Variants in FASN observed in about 807,000 individuals in gnomAD.
The protein encoded by FASN is 3-hydroxyacyl-[acyl-carrier-protein] dehydratase.
FASN carries 50 observed loss-of-function variants against 250.0 expected under a neutral mutation model. The observed-to-expected ratio is 0.20, with a 90% CI of 0.16 to 0.25. The LOEUF is 0.25. Ranked by LOEUF, FASN falls within the 10% of genes least tolerant of loss-of-function variation. The pLI is 1.00. For synonymous variants in FASN, 1,909 were observed against 1,584.0 expected (o/e 1.21, Z -4.87); for missense variants, 3,031 against 3,498.5 (o/e 0.87, Z 3.37).
chr17:82,087,300 T>TGGGCTG lies in FASN; in HGVS notation c.3223+19_3223+24dup, dbSNP rs772539228. 3.3e-3 allele frequency: 5,284 copies of TGGGCTG among 1,594,300 alleles called. 49 individuals carry two copies. Among genetic ancestry groups the TGGGCTG allele is most frequent in the Non-Finnish European group, 2.3e-3 (2,693 of 1,169,994 alleles). On this transcript the variant is annotated intron_variant, in intron 20 of 42. Transcript: ENST00000306749. ...GTGCGGCATACTTGGGTGGGGGCAC[T>TGGGCTG]GGGCTGGGGCTGGGGCGGGGCTACC...
chr17:82,081,017 C>T, intron 38 of FASN, 95 bp from the exon 39 acceptor site: 2 of 1,405,372 alleles, frequency 1.4e-6, no homozygotes, highest in South Asian at 1.2e-5. Flanking sequence ...CCCCACGGTG[C>T]TACGTCAGGT....
intron 3 of FASN, among the ~76,000 whole-genome samples, chr17:82,094,885 G>A (rs1020627222): frequency 3.1e-4 from 47 of 150,002 alleles, no homozygotes; most frequent in African/African-American, 1.1e-3. Flanking sequence ...TGGCGGGAGA[G>A]GGTTGAAATG....
rs2229421 is a variant in FASN at position 82,083,232 on chromosome 17, T to C, written c.5535A>G (p.Gln1845=). The change falls in exon 32 of 43, where the codon CAA becomes CAG. Residue 1845 remains glutamine, a synonymous_variant. Coordinates refer to ENST00000306749, the MANE Select transcript of FASN (RefSeq NM_004104.5). ...QVEDAFRYMA[Q]GKHIGKVVVQ... is the part of the protein sequence containing the mutation. Reference sequence around the variant, plus strand: ...CGACGACTTTGCCAATGTGCTTCCCTTGGGCCATGTAGCGGAAGGCGTCCT... The same window carrying C: ...CGACGACTTTGCCAATGTGCTTCCCCTGGGCCATGTAGCGGAAGGCGTCCT... 1.1e-3 allele frequency: 1,699 copies of C among 1,612,740 alleles called. 13 individuals are homozygous for C. In the African/African-American group the frequency reaches 0.021, roughly 20 times the overall value.
rs758003527 is a variant in FASN at position 82,093,060 on chromosome 17, G to A, written c.656-41C>T. Reference sequence around the variant, plus strand: ...CCTCAGGCCCGGGGCTCAGCCCCACGCCGGCCCCCACCCCACCAGGAGGAG... The same window carrying A: ...CCTCAGGCCCGGGGCTCAGCCCCACACCGGCCCCCACCCCACCAGGAGGAG... On this transcript the variant is annotated intron_variant, in intron 5 of 42. Transcript: ENST00000306749. 15 of 1,607,832 alleles carry A rather than the reference G, an allele frequency of 9.3e-6. No homozygotes were observed. The African/African-American group carries it at 1.1e-4, about 11-fold the overall frequency.
At chr17:82,083,692 C>G in intron 30 of FASN, 53 bp from the exon 31 acceptor site, 1 of 1,604,938 alleles carries the variant, frequency 6.2e-7, no homozygotes, top group Non-Finnish European at 8.5e-7. Context: ...CCAGCCACCA[C>G]AGTCCAGAGG....
chr17:82,098,196 G>C lies in FASN; in HGVS notation c.-83C>G. The C allele has an allele frequency of 2.7e-6, 1 of 365,938 alleles. No homozygotes were observed. The highest frequency in any genetic ancestry group is 4.9e-6 in the Non-Finnish European group (1 of 204,910). The allele number at this position is 365,938 out of a possible 1,614,324, so 22.7% of individuals were successfully genotyped here. On this transcript the variant is annotated 5_prime_UTR_variant, in exon 1 of 43. Coordinates refer to ENST00000306749, the MANE Select transcript of FASN (RefSeq NM_004104.5). ...GCGGCGGAGCGGGAGGCTGAAGCGC[G>C]GCGGAGAGGGAGGCCGGGGCCGCTG...
intron 27 of FASN, 39 bp downstream of exon 27, chr17:82,084,474 C>G (rs758967966): frequency 4.4e-6 from 7 of 1,589,202 alleles, no homozygotes; most frequent in Non-Finnish European, 6.0e-6. Flanking sequence ...TCTCTGCTCC[C>G]CGGCCCAGTC....
chr17:82,092,128 C>G (rs991566524), intron 8 of FASN, among the ~76,000 whole-genome samples: 1 of 152,104 alleles, frequency 6.6e-6, no homozygotes, highest in African/African-American at 2.4e-5. Flanking sequence ...ACACGGGAGA[C>G]CCTGATGGTG....
chr17:82,081,403 C>T (rs775871906), intron 37 of FASN, 51 bp from the exon 38 acceptor site: 3 of 1,560,802 alleles, frequency 1.9e-6, no homozygotes, highest in Non-Finnish European at 1.7e-6. Context: ...TGGGGACGGC[C>T]TGTATGCGGC....
At chr17:82,086,597 C>T in intron 21 of FASN, 39 bp from the exon 22 acceptor site, 1 of 1,505,060 alleles carries the variant, frequency 6.6e-7, no homozygotes, top group Non-Finnish European at 9.2e-7. Context: ...TTCCCAAAGC[C>T]CCAGGGCATC....
At position 82,080,851 on chromosome 17, in the gene FASN, G is replaced by T. The variant is rs1379623027; in HGVS notation, c.6667C>A (p.Leu2223Met). 1 of 1,611,444 alleles carries T rather than the reference G, an allele frequency of 6.2e-7. No homozygotes were observed. Residue 2223 changes from leucine (L) to methionine (M), a missense_variant, in exon 39 of 43, where the codon CTG becomes ATG. Physicochemically the swap from Leu to Met is conservative, Grantham distance 15 (BLOSUM62 2). Coordinates refer to ENST00000306749, the MANE Select transcript of FASN (RefSeq NM_004104.5). Reference sequence around the variant, plus strand: ...AGGGTGGGGCCCTCCGGGTTCACCAGCAGGGAGCGCAGGTTCAGCTGAGTC... The same window carrying T: ...AGGGTGGGGCCCTCCGGGTTCACCATCAGGGAGCGCAGGTTCAGCTGAGTC... Reference protein sequence around the residue: ...QQTQLNLRSLLVNPEGPTLMR... With the variant: ...QQTQLNLRSLMVNPEGPTLMR...
At position 82,081,742 on chromosome 17, in the gene FASN, C is replaced by T. The variant is rs963171358; in HGVS notation, c.6265G>A (p.Ala2089Thr). ...IVSGTLPQRM[A>T]SCLEVLDLFL... is the part of the protein sequence containing the mutation. Reference sequence around the variant, plus strand: ...AGGTCCAGCACCTCCAGGCAGGACGCCATGCGCTGGGGCAGCGTGCCACTG... The same window carrying T: ...AGGTCCAGCACCTCCAGGCAGGACGTCATGCGCTGGGGCAGCGTGCCACTG... The change falls in exon 37 of 43, where the codon GCG (alanine) becomes ACG (threonine). Residue 2089 changes from alanine (A) to threonine (T), a missense_variant. By Grantham distance (58) the Ala-to-Thr change is moderately conservative (BLOSUM62 0). Coordinates refer to ENST00000306749, the MANE Select transcript of FASN (RefSeq NM_004104.5). The T allele has an allele frequency of 1.2e-6, 2 of 1,612,632 alleles. No homozygotes were observed. Among genetic ancestry groups the T allele is most frequent in the African/African-American group, 2.7e-5 (2 of 74,890 alleles).
rs889475584 is a variant in FASN, at chr17:82,079,753, C to T, written c.7147-145G>A. 1.2e-4 allele frequency: 136 copies of T among 1,161,768 alleles called. 1 individual carries two copies. The Middle Eastern group carries it at 1.2e-3, about 10-fold the overall frequency. 72.0% of individuals were successfully genotyped at this position (1,161,768 alleles called of 1,614,324 possible). A position where few individuals can be genotyped will look rare whatever the true frequency, so the allele number is the denominator to read the frequency against. On this transcript the variant is annotated intron_variant, in intron 41 of 42. Transcript: ENST00000306749. ...ATGGAGTGGGGCGATCTCAGCTCAC[C>T]GCAACCTCCACCTACCCGGTTCAAG... is the stretch of plus-strand genomic sequence containing the variant.
chr17:82,087,494 C>A lies in FASN; in HGVS notation c.3054G>T (p.Gly1018=). 1.2e-6 allele frequency: 2 copies of A among 1,612,308 alleles called. No individual in the cohort carries two copies. Among genetic ancestry groups the A allele is most frequent in the Non-Finnish European group, 1.7e-6 (2 of 1,179,978 alleles). Reference sequence around the variant, plus strand: ...CCCAGTTATCCTTCCACAGCAGCCTCCCCGAGTCACCTGCACACAGGGCCT... The same window carrying A: ...CCCAGTTATCCTTCCACAGCAGCCTACCCGAGTCACCTGCACACAGGGCCT... The part of the protein sequence containing the change: ...ILEASLEGDS[G]RLLWKDNWVS... The change falls in exon 20 of 43, where the codon GGG becomes GGT. Residue 1018 remains glycine, a synonymous_variant. Transcript: ENST00000306749.
At position 82,087,820 on chromosome 17, in the gene FASN, C is replaced by T. The variant is rs750691718; in HGVS notation, c.2908G>A (p.Asp970Asn). 5 of 1,612,578 alleles carry T rather than the reference C, an allele frequency of 3.1e-6. No homozygotes were observed. The highest frequency in any genetic ancestry group is 2.2e-5 in the South Asian group (2 of 91,076). ...TTGGGGGTGGGGCTTTCCGGGTGGT[C>T]GAAGAGCCTGGGGTCAGGGTCATCC... ...QWDDPDPRLF[D>N]HPESPTPNPT... Residue 970 changes from aspartate to asparagine, a missense_variant, in exon 19 of 43, where the codon GAC becomes AAC. Transcript: ENST00000306749.
At position 82,080,608 on chromosome 17, in the gene FASN, G is replaced by C. The variant is rs1316086586; in HGVS notation, c.6827-18C>G. Reference sequence around the variant, plus strand: ...GGGCGCAGCTGCAATGGCAGTGCCGGGCACTCAGCATGTGCAGGCGGCAGC... The same window carrying C: ...GGGCGCAGCTGCAATGGCAGTGCCGCGCACTCAGCATGTGCAGGCGGCAGC... On this transcript the variant is annotated intron_variant, in intron 39 of 42. Transcript: ENST00000306749. 1 of 1,552,392 alleles carries C rather than the reference G, an allele frequency of 6.4e-7. No individual in the cohort carries two copies. The highest frequency in any genetic ancestry group is 8.7e-7 in the Non-Finnish European group (1 of 1,148,558).
Position 82,080,278 on chromosome 17 carries a change from G to A in FASN, c.7048-40C>T, listed in dbSNP as rs752241314. On this transcript the variant is annotated intron_variant, in intron 40 of 42. Coordinates refer to ENST00000306749, the MANE Select transcript of FASN (RefSeq NM_004104.5). ...GGACTGCTGAGCAGATGGAAGGGGC[G>A]GGGCCTCCTAAGCGACGGTCCCCCA... The A allele has an allele frequency of 2.3e-5, 37 of 1,611,354 alleles. No homozygotes were observed. In the East Asian group the frequency reaches 3.6e-4, roughly 16 times the overall value.
At chr17:82,084,750 C>T in intron 26 of FASN, 34 bp from the exon 27 acceptor site, 30 of 1,550,094 alleles carry the variant, frequency 1.9e-5, no homozygotes, top group Non-Finnish European at 2.6e-5. Context: ...TGCTGCGGGG[C>T]CTTCGGGTGC....
chr17:82,087,271 G>A lies in FASN; in HGVS notation c.3224-18C>T, dbSNP rs17848935. 0.19 allele frequency: 299,555 copies of A among 1,604,188 alleles called. 30,343 individuals are homozygous for A. Among genetic ancestry groups the A allele is most frequent in the Non-Finnish European group, 0.21 (249,910 of 1,176,442 alleles). The stretch of plus-strand genomic sequence containing the variant: ...GTCAGCCACTGTGGGGACAGGCTGG[G>A]TGAGTGCGGCATACTTGGGTGGGGG... On this transcript the variant is annotated intron_variant, in intron 20 of 42. Coordinates refer to ENST00000306749, the MANE Select transcript of FASN (RefSeq NM_004104.5).
Sources: gnomAD v4.1 joint callset for allele counts (sites outside exome capture counted in the v4.1 genomes callset) on GRCh38, gnomAD v4.1.1 for gene constraint, MANE v1.5 for transcripts, NCBI Gene and HGNC (gene_info 2026-07-23, HGNC 2026-07-21) for gene names.